The following CAMTA1 variants were observed in gnomAD, a reference collection of about 807,000 sequenced individuals.
The protein encoded by CAMTA1 is calmodulin-binding transcription activator 1.
Under a neutral mutation model 170.9 loss-of-function variants are expected in CAMTA1, and 27 were observed. That is an observed-to-expected ratio of 0.16 (90% CI 0.12 to 0.22). The LOEUF is 0.22. CAMTA1 is among the 10% of genes least tolerant of loss of function. The pLI is 1.00. For synonymous variants in CAMTA1, 833 were observed against 891.5 expected (o/e 0.93, Z 1.17); for missense variants, 1,619 against 2,217.2 (o/e 0.73, Z 5.42).
chr1:6,958,528 C>T (rs1388499081), intron 3 of CAMTA1, among the ~76,000 whole-genome samples: 2 of 152,206 alleles, frequency 1.3e-5, no homozygotes, highest in Non-Finnish European at 2.9e-5. Flanking sequence ...TCCCCAGGGA[C>T]CTCCAGCTCC....
At chr1:7,141,088 C>T (rs1645862540) in intron 4 of CAMTA1, among the ~76,000 whole-genome samples, 2 of 152,114 alleles carry the variant, frequency 1.3e-5, no homozygotes, top group African/African-American at 4.8e-5. Flanking sequence ...TGGACTCGGC[C>T]CCTCTGCAGG....
intron 6 of CAMTA1, among the ~76,000 whole-genome samples, chr1:7,555,063 T>C (rs1372711265): frequency 6.6e-6 from 1 of 152,080 alleles, no homozygotes; most frequent in African/African-American, 2.4e-5. Flanking sequence ...TATCCCCAAG[T>C]GCCTTTCAGC....
chr1:6,943,505 C>T (rs6659444), intron 3 of CAMTA1, among the ~76,000 whole-genome samples: 8,877 of 152,228 alleles, frequency 0.058, 375 homozygotes, highest in Admixed American at 0.13. Context: ...CTCAACACGG[C>T]GGCCAGGGAT....
chr1:6,820,120 GA>G lies in CAMTA1; in HGVS notation c.46-59del, dbSNP rs1478419081. 6 of 1,014,956 alleles carry G rather than the reference GA, an allele frequency of 5.9e-6. No individual in the cohort carries two copies. The African/African-American group carries it at 9.5e-5, about 16-fold the overall frequency. The allele number at this position is 1,014,956 out of a possible 1,614,324, so 62.9% of individuals were successfully genotyped here. A position where few individuals can be genotyped will look rare whatever the true frequency, so the allele number is the denominator to read the frequency against. On this transcript the variant is annotated intron_variant, in intron 1 of 22. Transcript: ENST00000303635. ...TTTGCATCTTGGCAGGAATATCACA[GA>G]AGAGCCAGATTATATCTTTTTGAAA...
chr1:6,959,088 T>A (rs1168956836), intron 3 of CAMTA1, among the ~76,000 whole-genome samples: 1 of 152,246 alleles, frequency 6.6e-6, no homozygotes, highest in African/African-American at 2.4e-5. Flanking sequence ...GGCAGAGTCC[T>A]TGCTGCCGAC....
rs142876262 is a variant in CAMTA1 at position 7,057,118 on chromosome 1, C to T, written c.235-34186C>T. Among the ~76,000 whole-genome samples the T allele has an allele frequency of 1.3e-3, 195 of 152,346 alleles. 1 individual carries two copies. The highest frequency in any genetic ancestry group is 2.2e-3 in the Non-Finnish European group (148 of 68,044). On this transcript the variant is annotated intron_variant, in intron 3 of 22. Coordinates refer to ENST00000303635, the MANE Select transcript of CAMTA1 (RefSeq NM_015215.4). Reference sequence around the variant, plus strand: ...ACCGAGCCCCTGGCCCTCTGCTCTTCTCCACCAGGCCTGAGATGGGGGTCT... The same window carrying T: ...ACCGAGCCCCTGGCCCTCTGCTCTTTTCCACCAGGCCTGAGATGGGGGTCT...
chr1:7,536,683 G>C lies in CAMTA1; in HGVS notation c.510+68782G>C, dbSNP rs191520136. Among the ~76,000 whole-genome samples the C allele has an allele frequency of 9.5e-4, 144 of 152,330 alleles. 1 individual carries two copies. The highest frequency in any genetic ancestry group is 3.1e-3 in the African/African-American group (127 of 41,568). ...GTGTGTGAAGGGCTGCCTCCATGGT[G>C]CACTGGGCTGAGGTGTGGACGCAGG... On this transcript the variant is annotated intron_variant, in intron 6 of 22. Transcript: ENST00000303635.
At chr1:7,380,127 A>G (rs1167127905) in intron 5 of CAMTA1, among the ~76,000 whole-genome samples, 5 of 152,188 alleles carry the variant, frequency 3.3e-5, no homozygotes, top group Admixed American at 3.3e-4. Flanking sequence ...CCAAATCCAG[A>G]CATCATATGT....
chr1:7,287,182 A>G (rs1672464067), intron 5 of CAMTA1, among the ~76,000 whole-genome samples: 1 of 152,184 alleles, frequency 6.6e-6, no homozygotes, highest in Admixed American at 6.5e-5. Context: ...TGCTACCGAG[A>G]GGGATTTCAG....
At chr1:7,034,442 C>T (rs975194916) in intron 3 of CAMTA1, among the ~76,000 whole-genome samples, 4 of 152,212 alleles carry the variant, frequency 2.6e-5, no homozygotes, top group Non-Finnish European at 4.4e-5. Context: ...GCGTGAGCCA[C>T]GTGCCCAGCC....
At chr1:6,979,943 C>T (rs557342229) in intron 3 of CAMTA1, among the ~76,000 whole-genome samples, 8 of 152,296 alleles carry the variant, frequency 5.3e-5, no homozygotes, top group Non-Finnish European at 8.8e-5. Context: ...CCACTATGTG[C>T]GCATGAAGAC....
At chr1:7,706,683 TA>T (rs1371167102) in intron 11 of CAMTA1, among the ~76,000 whole-genome samples, 5 of 152,218 alleles carry the variant, frequency 3.3e-5, no homozygotes, top group African/African-American at 1.2e-4. Flanking sequence ...ATTTCCTAAA[TA>T]AATTTAACCT....
At chr1:7,172,330 A>G (rs1649805526) in intron 4 of CAMTA1, among the ~76,000 whole-genome samples, 1 of 152,050 alleles carries the variant, frequency 6.6e-6, no homozygotes, top group East Asian at 1.9e-4. Flanking sequence ...TTGTATTTTT[A>G]GTAGAGACAG....
chr1:6,870,950 C>T (rs1052425454), intron 3 of CAMTA1, among the ~76,000 whole-genome samples: 7 of 152,126 alleles, frequency 4.6e-5, no homozygotes, highest in Non-Finnish European at 1.0e-4. Context: ...ATAGTGCTTA[C>T]CATTACTGCA....
chr1:7,639,373 A>G (rs1376177011), intron 6 of CAMTA1, among the ~76,000 whole-genome samples: 1 of 152,164 alleles, frequency 6.6e-6, no homozygotes, highest in African/African-American at 2.4e-5. Context: ...CCGCCCCAGA[A>G]ACCAACAAGA....
intron 4 of CAMTA1, among the ~76,000 whole-genome samples, chr1:7,212,210 A>G (rs1343842192): frequency 6.6e-6 from 1 of 152,226 alleles, no homozygotes. Flanking sequence ...ATTCTTGGAA[A>G]TAAAATATAA....
At chr1:6,883,004 C>G (rs891033106) in intron 3 of CAMTA1, among the ~76,000 whole-genome samples, 1 of 152,152 alleles carries the variant, frequency 6.6e-6, no homozygotes. Context: ...TCAAGTGATT[C>G]TCTTGCCTCA....
chr1:7,439,918 G>A (rs1366697540), intron 5 of CAMTA1, among the ~76,000 whole-genome samples: 1 of 152,242 alleles, frequency 6.6e-6, no homozygotes, highest in African/African-American at 2.4e-5. Context: ...AAATGAAGAG[G>A]CCCCAGTGAG....
intron 3 of CAMTA1, among the ~76,000 whole-genome samples, chr1:6,919,289 G>A (rs1288611163): frequency 6.6e-6 from 1 of 152,204 alleles, no homozygotes; most frequent in Non-Finnish European, 1.5e-5. Context: ...GGGCCTGGCT[G>A]GAGGAGTGGG....
Sources: gnomAD v4.1 joint callset for allele counts (sites outside exome capture counted in the v4.1 genomes callset) on GRCh38, gnomAD v4.1.1 for gene constraint, MANE v1.5 for transcripts, NCBI Gene and HGNC (gene_info 2026-07-23, HGNC 2026-07-21) for gene names.